The following TFB1M variants were observed in gnomAD, a reference collection of about 807,000 sequenced individuals.
The protein encoded by TFB1M is dimethyladenosine transferase 1, mitochondrial.
Under a neutral mutation model 31.1 loss-of-function variants are expected in TFB1M, and 27 were observed. That is an observed-to-expected ratio of 0.87 (90% CI 0.64 to 1.20). TFB1M has a LOEUF of 1.20. TFB1M is among the 50% of genes most tolerant of loss of function. The probability of loss-of-function intolerance (pLI) is 0.00; values close to 1 mark genes in which losing one functional copy is unlikely to be tolerated. For missense variants in TFB1M, 394 were observed against 418.7 expected (o/e 0.94, Z 0.51); for synonymous variants, 166 against 151.8 (o/e 1.09, Z -0.69).
At position 155,263,717 on chromosome 6, in the gene TFB1M, G is replaced by A. The variant is rs1174443881; in HGVS notation, c.667-3317C>T. 6.6e-5 allele frequency among the ~76,000 whole-genome samples: 10 copies of A among 152,262 alleles called. No individual in the cohort carries two copies. The East Asian group carries it at 1.3e-3, about 21-fold the overall frequency. On this transcript the variant is annotated intron_variant, in intron 5 of 6. Coordinates refer to ENST00000367166, the MANE Select transcript of TFB1M (RefSeq NM_016020.4). ...GATATACAGAGGACACTGAAGAGAC[G>A]TACAACTCAGTTCCTGATGATTATC...
At chr6:155,304,617 C>T (rs1777583268) in intron 2 of TFB1M, among the ~76,000 whole-genome samples, 1 of 151,798 alleles carries the variant, frequency 6.6e-6, no homozygotes. Flanking sequence ...TGCTCAAAAA[C>T]AGTAGAAAGT....
At position 155,256,452 on chromosome 6, in the gene TFB1M, T is replaced by C; in HGVS notation, c.*1384A>G. ...TTACACATTGTGTAACCTGTTTCTG[T>C]ATCACAGCGAAATGTGTTTTTCTCA... On this transcript the variant is annotated 3_prime_UTR_variant, in exon 7 of 7. Coordinates refer to ENST00000367166, the MANE Select transcript of TFB1M (RefSeq NM_016020.4). 1.2e-6 allele frequency: 2 copies of C among 1,613,748 alleles called. No homozygotes were observed. Among genetic ancestry groups the C allele is most frequent in the Non-Finnish European group, 1.7e-6 (2 of 1,179,970 alleles).
At chr6:155,243,291 A>G in the TFB1M span, among the ~76,000 whole-genome samples, 1 of 152,124 alleles carries the variant, frequency 6.6e-6, no homozygotes, top group Non-Finnish European at 1.5e-5. Context: ...TCCATGCTGG[A>G]CCTCTCACTG....
In TFB1M at chr6:155,296,966, T is replaced by C. The variant is rs779151421; in HGVS notation, c.533A>G (p.Lys178Arg). 14 of 1,613,956 alleles carry C rather than the reference T, an allele frequency of 8.7e-6. No individual in the cohort carries two copies. The South Asian group carries it at 1.5e-4, about 18-fold the overall frequency. The change falls in exon 4 of 7, where the codon AAG becomes AGG. Residue 178 changes from lysine to arginine, a missense_variant. Lys to Arg is a conservative substitution (Grantham distance 26). Coordinates refer to ENST00000367166, the MANE Select transcript of TFB1M (RefSeq NM_016020.4). Reference sequence around the variant, plus strand: ...GTTAAAACTTACCTCTGCCACTTCCTTTTGAAAAGTCAAAGTCATCTGAGT... The same window carrying C: ...GTTAAAACTTACCTCTGCCACTTCCCTTTGAAAAGTCAAAGTCATCTGAGT... ...GRTQMTLTFQ[K>R]EVAERLAANT...
chr6:155,275,671 A>T lies in TFB1M; in HGVS notation c.666+9487T>A, dbSNP rs375801323. 3.3e-5 allele frequency: 50 copies of T among 1,512,866 alleles called. No individual in the cohort carries two copies. The African/African-American group carries it at 6.3e-4, about 19-fold the overall frequency. The allele number at this position is 1,512,866 out of a possible 1,614,324, so 93.7% of individuals were successfully genotyped here. A position where few individuals can be genotyped will look rare whatever the true frequency, so the allele number is the denominator to read the frequency against. ...AATAGATAGAATTCTGACAGCCATC[A>T]TTGTTAAACATCAGGATTTTCTAAG... On this transcript the variant is annotated intron_variant, in intron 5 of 6. Transcript: ENST00000367166.
chr6:155,233,062 C>T, the TFB1M span, among the ~76,000 whole-genome samples: 8 of 152,304 alleles, frequency 5.3e-5, no homozygotes, highest in African/African-American at 1.9e-4. Context: ...CAGCTGCACC[C>T]TGAGCCAGGA....
At chr6:155,314,028 C>T in intron 1 of TFB1M, 2 of 1,241,930 alleles carry the variant, frequency 1.6e-6, no homozygotes, top group Non-Finnish European at 2.1e-6. Context: ...ACCCATGAAC[C>T]CTTCCTCCCC....
chr6:155,275,101 C>CTA (rs796517265), intron 5 of TFB1M, among the ~76,000 whole-genome samples: 30 of 151,960 alleles, frequency 2.0e-4, no homozygotes, highest in African/African-American at 6.7e-4. Context: ...TGGCGGGCGC[C>CTA]TGTAGTCCCA....
At chr6:155,294,176 T>C (rs147978873) in intron 4 of TFB1M, among the ~76,000 whole-genome samples, 1,884 of 152,332 alleles carry the variant, frequency 0.012, 20 homozygotes, top group South Asian at 0.028. Context: ...AAATTGCTTC[T>C]ACTTCACTAT....
chr6:155,254,891 C>G, downstream of TFB1M: 1 of 230,362 alleles, frequency 4.3e-6, no homozygotes, highest in Admixed American at 4.8e-5. Context: ...CAGAACAGTG[C>G]CAGGCATCCT....
the TFB1M span, among the ~76,000 whole-genome samples, chr6:155,235,432 T>C: frequency 6.6e-6 from 1 of 152,154 alleles, no homozygotes; most frequent in African/African-American, 2.4e-5. Context: ...TATCACCATA[T>C]ATGCATGTGA....
chr6:155,253,188 A>C, downstream of TFB1M: 1 of 730,042 alleles, frequency 1.4e-6, no homozygotes, highest in Non-Finnish European at 2.3e-6. Flanking sequence ...AGGACAAGAG[A>C]GGTTGTTTTG....
At chr6:155,276,585 G>A in intron 5 of TFB1M, 1 of 477,856 alleles carries the variant, frequency 2.1e-6, no homozygotes, top group Non-Finnish European at 3.6e-6. Context: ...TTCCATTATT[G>A]TTTCCATGTT....
chr6:155,285,908 A>T (rs1257280221), intron 4 of TFB1M, among the ~76,000 whole-genome samples: 4 of 152,174 alleles, frequency 2.6e-5, no homozygotes, highest in Non-Finnish European at 1.5e-5. Flanking sequence ...ACAAGATTTT[A>T]AAAATTAATT....
At chr6:155,287,412 T>C (rs1308533621) in intron 4 of TFB1M, among the ~76,000 whole-genome samples, 1 of 151,950 alleles carries the variant, frequency 6.6e-6, no homozygotes, top group African/African-American at 2.4e-5. Context: ...AACGAAAAAA[T>C]AAACTGTGAT....
In TFB1M at chr6:155,304,078, C is replaced by T. The variant is rs188228463; in HGVS notation, c.286-5493G>A. Among the ~76,000 whole-genome samples, 485 of 152,066 alleles carry T rather than the reference C, an allele frequency of 3.2e-3. 1 individual carries two copies. The highest frequency in any genetic ancestry group is 0.013 in the South Asian group (61 of 4,820). On this transcript the variant is annotated intron_variant, in intron 2 of 6. Coordinates refer to ENST00000367166, the MANE Select transcript of TFB1M (RefSeq NM_016020.4). Reference sequence around the variant, plus strand: ...GGTGAATCACCTGAGTTCAGGAGTTCGAGACCAGCCTGGACAACATGATGA... The same window carrying T: ...GGTGAATCACCTGAGTTCAGGAGTTTGAGACCAGCCTGGACAACATGATGA...
intron 5 of TFB1M, chr6:155,276,173 G>GAGAAA: frequency 6.2e-7 from 1 of 1,614,136 alleles, no homozygotes; most frequent in Non-Finnish European, 8.5e-7. Flanking sequence ...GGATCTGACA[G>GAGAAA]TTCCAGAAAG....
the TFB1M span, among the ~76,000 whole-genome samples, chr6:155,245,302 T>C: frequency 2.0e-5 from 3 of 152,252 alleles, no homozygotes; most frequent in Admixed American, 6.5e-5. Flanking sequence ...CAATGCAGAG[T>C]CGGCTTTATT....
chr6:155,246,284 C>G, the TFB1M span, among the ~76,000 whole-genome samples: 1 of 152,038 alleles, frequency 6.6e-6, no homozygotes, highest in Admixed American at 6.5e-5. Context: ...TCATTCATGT[C>G]CACGGATGCA....
Sources: gnomAD v4.1 joint callset for allele counts (sites outside exome capture counted in the v4.1 genomes callset) on GRCh38, gnomAD v4.1.1 for gene constraint, MANE v1.5 for transcripts, NCBI Gene and HGNC (gene_info 2026-07-23, HGNC 2026-07-21) for gene names.